Variants in TNRC6C observed in about 807,000 individuals in gnomAD.
TNRC6C encodes the protein trinucleotide repeat-containing gene 6C protein.
TNRC6C carries 20 observed loss-of-function variants against 153.7 expected under a neutral mutation model. The ratio of observed to expected loss-of-function variants is 0.13; its 90% CI spans 0.09 to 0.19. The LOEUF is 0.19. Ranked by LOEUF, TNRC6C falls within the 10% of genes least tolerant of loss-of-function variation. TNRC6C has a pLI of 1.00. For missense variants in TNRC6C, 1,987 were observed against 2,172.0 expected (o/e 0.91, Z 1.69); for synonymous variants, 811 against 841.4 (o/e 0.96, Z 0.63).
At chr17:77,959,597 C>G (rs1292860227) in intron 1 of TNRC6C, among the ~76,000 whole-genome samples, 1 of 152,170 alleles carries the variant, frequency 6.6e-6, no homozygotes, top group East Asian at 1.9e-4. Flanking sequence ...GGGCAGCCCC[C>G]CGCAGATTTT....
intron 13 of TNRC6C, among the ~76,000 whole-genome samples, chr17:78,090,570 C>T (rs756979060): frequency 2.6e-5 from 4 of 152,240 alleles, no homozygotes; most frequent in African/African-American, 4.8e-5. Flanking sequence ...AACAAGCAGT[C>T]TGTCCTGCTC....
chr17:78,077,524 G>C, intron 9 of TNRC6C, 190 bp downstream of exon 11: 1 of 718,284 alleles, frequency 1.4e-6, no homozygotes, highest in East Asian at 2.7e-5. Context: ...AGTAGGAAAT[G>C]CTTTAGTTAT....
At chr17:77,988,705 A>G (rs1350596038) in intron 1 of TNRC6C, among the ~76,000 whole-genome samples, 2 of 152,218 alleles carry the variant, frequency 1.3e-5, no homozygotes, top group Admixed American at 6.5e-5. Flanking sequence ...GTTGAACATC[A>G]TTCTTTGGGT....
intron 1 of TNRC6C, among the ~76,000 whole-genome samples, chr17:77,995,282 G>T (rs2143103405): frequency 6.6e-6 from 1 of 152,222 alleles, no homozygotes; most frequent in East Asian, 1.9e-4. Flanking sequence ...CTCACCAGAG[G>T]CACTGTGTGT....
At chr17:78,102,191 C>T (rs1296312696) in intron 17 of TNRC6C, among the ~76,000 whole-genome samples, 2 of 152,162 alleles carry the variant, frequency 1.3e-5, no homozygotes, top group Non-Finnish European at 1.5e-5. Context: ...GGCCTCATCA[C>T]CCCCGTCTCT....
chr17:78,104,858 T>C lies in TNRC6C; in HGVS notation c.*13T>C, dbSNP rs1190915379. 1.4e-5 allele frequency: 19 copies of C among 1,407,078 alleles called. No individual in the cohort carries two copies. In the East Asian group the frequency reaches 4.3e-4, roughly 31 times the overall value. The allele number at this position is 1,407,078 out of a possible 1,614,324, so 87.2% of individuals were successfully genotyped here. A position where few individuals can be genotyped will look rare whatever the true frequency, so the allele number is the denominator to read the frequency against. On this transcript the variant is annotated 3_prime_UTR_variant, in exon 20 of 20. Transcript: ENST00000301624. This position sits in a 1 kb window ranked among gnomAD's most constrained non-coding sequence, Gnocchi z 6.2. Reference sequence around the variant, plus strand: ...GGAGTCCCTGTAGGCTCTGCCATCATCAGCACCAGGAGAGCCGACCCCTCC... The same window carrying C: ...GGAGTCCCTGTAGGCTCTGCCATCACCAGCACCAGGAGAGCCGACCCCTCC...
chr17:78,035,122 C>T (rs2072154082), intron 2 of TNRC6C, among the ~76,000 whole-genome samples: 2 of 152,168 alleles, frequency 1.3e-5, no homozygotes, highest in South Asian at 4.1e-4. Context: ...GGTCCTTTCC[C>T]TTAAATTTCT....
At chr17:78,025,659 T>C (rs920241987) in intron 1 of TNRC6C, among the ~76,000 whole-genome samples, 2 of 152,064 alleles carry the variant, frequency 1.3e-5, no homozygotes, top group African/African-American at 4.8e-5. Context: ...AAAATATATA[T>C]ATATTTATAT....
intron 11 of TNRC6C, among the ~76,000 whole-genome samples, chr17:78,085,728 GTTGT>G (rs1187768790): frequency 6.6e-6 from 1 of 152,040 alleles, no homozygotes; most frequent in Non-Finnish European, 1.5e-5. Context: ...AGATAACCAC[GTTGT>G]TTAACACACA....
intron 2 of TNRC6C, among the ~76,000 whole-genome samples, chr17:78,046,867 A>G (rs553383937): frequency 4.6e-5 from 7 of 152,374 alleles, no homozygotes; most frequent in East Asian, 1.9e-4. Context: ...ATAATTGAGT[A>G]TGAACCTGTC....
At chr17:78,051,051 C>T in exon 3 of TNRC6C, 1 of 1,611,514 alleles carries the variant, frequency 6.2e-7, no homozygotes, top group Non-Finnish European at 8.5e-7. Context: ...AACCTGGCCC[C>T]CAACAGAACT....
chr17:78,059,623 G>A (rs1195141549), intron 3 of TNRC6C, among the ~76,000 whole-genome samples: 2 of 152,308 alleles, frequency 1.3e-5, no homozygotes, highest in African/African-American at 2.4e-5. Context: ...TGAGCCAGGT[G>A]GGTTGCTTGA....
rs570227957 is a variant in TNRC6C at position 78,016,541 on chromosome 17, C to T, written c.-546+11462C>T. Among the ~76,000 whole-genome samples, 111 of 152,340 alleles carry T rather than the reference C, an allele frequency of 7.3e-4. 2 individuals carry two copies. Among genetic ancestry groups the T allele is most frequent in the Admixed American group, 5.0e-3 (76 of 15,308 alleles). ...ATTAACATTCATCTAGCGCCTAACA[C>T]TTTCCAAACTGTTGGAGATATGGGA... On this transcript the variant is annotated intron_variant, in intron 1 of 19. Transcript: ENST00000301624.
chr17:78,002,914 G>T (rs1177766029), upstream of TNRC6C, among the ~76,000 whole-genome samples: 1 of 152,098 alleles, frequency 6.6e-6, no homozygotes, highest in Non-Finnish European at 1.5e-5. Context: ...TCTAGGAAAA[G>T]AAGTGATTAA....
At chr17:78,097,483 C>G (rs1452361603) in intron 16 of TNRC6C, among the ~76,000 whole-genome samples, 3 of 152,152 alleles carry the variant, frequency 2.0e-5, no homozygotes, top group African/African-American at 7.2e-5. Flanking sequence ...GGCGGGAATT[C>G]TCAAAGAAGC....
chr17:78,071,543 A>G (rs920886084), intron 6 of TNRC6C, among the ~76,000 whole-genome samples: 2 of 152,056 alleles, frequency 1.3e-5, no homozygotes, highest in East Asian at 3.9e-4. Flanking sequence ...GTGAGCCACC[A>G]TGCTCGGCTA....
chr17:77,957,966 G>A (rs1157192132), upstream of TNRC6C, among the ~76,000 whole-genome samples: 1 of 152,226 alleles, frequency 6.6e-6, no homozygotes, highest in African/African-American at 2.4e-5. Context: ...GTCTCCCCGG[G>A]GGACTGTTTC....
chr17:78,043,276 C>T (rs553515860), intron 2 of TNRC6C, among the ~76,000 whole-genome samples: 31 of 152,274 alleles, frequency 2.0e-4, no homozygotes, highest in African/African-American at 7.5e-4. Flanking sequence ...TGTACCAGGC[C>T]ACAGTGTGGC....
upstream of TNRC6C, among the ~76,000 whole-genome samples, chr17:77,958,926 C>T (rs1421575105): frequency 1.4e-5 from 2 of 146,348 alleles, no homozygotes; most frequent in Non-Finnish European, 3.0e-5. Context: ...AGCGGCCCCG[C>T]GCCCAGCCGT....
Sources: gnomAD v4.1 joint callset for allele counts (sites outside exome capture counted in the v4.1 genomes callset) on GRCh38, gnomAD v4.1.1 for gene constraint, Gnocchi (gnomAD v3.1) non-coding constraint, MANE v1.5 for transcripts, NCBI Gene and HGNC (gene_info 2026-07-23, HGNC 2026-07-21) for gene names.